Variants in SUSD1 observed in about 807,000 individuals in gnomAD.
SUSD1 encodes sushi domain-containing protein 1.
A neutral mutation model predicts 86.9 loss-of-function variants in SUSD1; 65 were observed. The ratio of observed to expected loss-of-function variants is 0.75; its 90% CI spans 0.61 to 0.92. The LOEUF is 0.92. Among genes scored for constraint, SUSD1 ranks in the 40% least tolerant of loss-of-function variants. The pLI is 0.00. For missense variants in SUSD1, 850 were observed against 929.7 expected, an observed-to-expected ratio of 0.91 and a Z score of 1.11; for synonymous variants, 346 against 350.0, an observed-to-expected ratio of 0.99 and a Z score of 0.13.
chr9:112,117,869 T>C (rs1001557552), intron 6 of SUSD1, among the ~76,000 whole-genome samples: 2 of 152,174 alleles, frequency 1.3e-5, no homozygotes, highest in African/African-American at 4.8e-5. Flanking sequence ...AACTGGAACA[T>C]GAAATTGGCA....
chr9:112,080,345 T>C (rs892698259), intron 10 of SUSD1, among the ~76,000 whole-genome samples, 180 bp from the exon 11 acceptor site: 1 of 152,240 alleles, frequency 6.6e-6, no homozygotes, highest in Non-Finnish European at 1.5e-5. Flanking sequence ...TCAGTCTTGA[T>C]GAAAGATTTC....
intron 12 of SUSD1, among the ~76,000 whole-genome samples, chr9:112,064,046 T>TTTTTTTTTTTTTTTTTTTTTTGGG (rs1491139474): frequency 8.9e-5 from 7 of 78,652 alleles, no homozygotes; most frequent in Admixed American, 1.3e-4. Context: ...TTTCTTTTTT[T>TTTTTTTTTTTTTTTTTTTTTTGGG]GGGGGGGGGG....
At position 112,065,529 on chromosome 9, in the gene SUSD1, A is replaced by T. The variant is rs77513359; in HGVS notation, c.1754-2496T>A. The stretch of plus-strand genomic sequence containing the variant: ...GAAAAAGTGAGACTCTGTCTCAAAA[A>T]GTAAAAATAAAAACACTGAATCCCC... On this transcript the variant is annotated intron_variant, in intron 12 of 16. Coordinates refer to ENST00000374270, the MANE Select transcript of SUSD1 (RefSeq NM_022486.5). Among the ~76,000 whole-genome samples the T allele has an allele frequency of 1.4e-3, 214 of 152,358 alleles. 8 individuals are homozygous for T. The East Asian group carries it at 0.039, about 28-fold the overall frequency.
At position 112,172,792 on chromosome 9, in the gene SUSD1, C is replaced by T. The variant is rs563364865; in HGVS notation, c.103+2341G>A. 2.0e-5 allele frequency among the ~76,000 whole-genome samples: 3 copies of T among 152,274 alleles called. No homozygotes were observed. In the East Asian group the frequency reaches 5.8e-4, roughly 29 times the overall value. On this transcript the variant is annotated intron_variant, in intron 1 of 16. Transcript: ENST00000374270. ...CTGTCATTACTGTGGGCCCAGTCCTCAGAACTTCCAGGCCAGCTATTGCAA... is the reference window on the plus strand; with the variant it reads ...CTGTCATTACTGTGGGCCCAGTCCTTAGAACTTCCAGGCCAGCTATTGCAA...
At chr9:112,147,304 C>G (rs553490803) in intron 3 of SUSD1, among the ~76,000 whole-genome samples, 1 of 151,944 alleles carries the variant, frequency 6.6e-6, no homozygotes, top group African/African-American at 2.4e-5. Flanking sequence ...GTCAGGACTT[C>G]GAGACAAGCC....
At chr9:112,065,202 C>A (rs1828922666) in intron 12 of SUSD1, among the ~76,000 whole-genome samples, 2 of 152,072 alleles carry the variant, frequency 1.3e-5, no homozygotes, top group African/African-American at 4.8e-5. Flanking sequence ...AATTTTCATC[C>A]CCTTTGAGTG....
chr9:112,147,769 A>AAAAAG lies in SUSD1; in HGVS notation c.373+1470_373+1474dup, dbSNP rs758259624. Among the ~76,000 whole-genome samples, 69 of 152,354 alleles carry AAAAAG rather than the reference A, an allele frequency of 4.5e-4. 1 individual carries two copies. Among genetic ancestry groups the AAAAAG allele is most frequent in the South Asian group, 2.1e-3 (10 of 4,832 alleles). ...GGGCAACAGAGCGAGACTCCGTCTC[A>AAAAAG]AAAAGAAAAGAAAAGAAAAAGTACA... On this transcript the variant is annotated intron_variant, in intron 3 of 16. Coordinates refer to ENST00000374270, the MANE Select transcript of SUSD1 (RefSeq NM_022486.5).
chr9:112,046,634 A>T (rs1827967613), intron 15 of SUSD1, among the ~76,000 whole-genome samples: 1 of 152,118 alleles, frequency 6.6e-6, no homozygotes, highest in Non-Finnish European at 1.5e-5. Flanking sequence ...GGGTGTGGAC[A>T]TTTTTTCATG....
intron 2 of SUSD1, among the ~76,000 whole-genome samples, chr9:112,151,766 G>A (rs936495660): frequency 6.6e-5 from 10 of 151,466 alleles, no homozygotes; most frequent in South Asian, 4.2e-4. Context: ...GGCCGGGTGC[G>A]GTGGCTCATG....
intron 10 of SUSD1, among the ~76,000 whole-genome samples, chr9:112,095,899 A>G (rs1439758321): frequency 6.6e-6 from 1 of 152,230 alleles, no homozygotes; most frequent in African/African-American, 2.4e-5. Flanking sequence ...AAGCTTGGGT[A>G]GAAATAGGGC....
intron 5 of SUSD1, among the ~76,000 whole-genome samples, chr9:112,126,715 C>T (rs184609257): frequency 2.4e-4 from 37 of 152,270 alleles, no homozygotes; most frequent in East Asian, 1.7e-3. Context: ...GAAAAACGCA[C>T]GTGCTGGAGT....
intron 3 of SUSD1, among the ~76,000 whole-genome samples, chr9:112,147,918 C>T (rs1303456875): frequency 6.6e-6 from 1 of 152,068 alleles, no homozygotes; most frequent in African/African-American, 2.4e-5. Context: ...AACCATGCAG[C>T]CAGTAATTTG....
chr9:112,089,698 T>G (rs903380821), intron 10 of SUSD1, among the ~76,000 whole-genome samples: 2 of 150,844 alleles, frequency 1.3e-5, no homozygotes, highest in Non-Finnish European at 3.0e-5. Context: ...TGTAGTCCCA[T>G]CTACTCGGGA....
At chr9:112,108,632 G>T (rs572621665) in intron 8 of SUSD1, among the ~76,000 whole-genome samples, 2 of 151,958 alleles carry the variant, frequency 1.3e-5, no homozygotes, top group Admixed American at 6.5e-5. Flanking sequence ...ACAAAAATTT[G>T]CCAGGCATAG....
chr9:112,141,697 A>T (rs75509034), intron 5 of SUSD1, among the ~76,000 whole-genome samples: 27,632 of 145,880 alleles, frequency 0.19, 2,720 homozygotes, highest in Non-Finnish European at 0.21. Flanking sequence ...TATATATATA[A>T]AAAATATATA....
chr9:112,074,665 T>G (rs1037674552), intron 12 of SUSD1, among the ~76,000 whole-genome samples: 1 of 152,128 alleles, frequency 6.6e-6, no homozygotes, highest in Non-Finnish European at 1.5e-5. Context: ...GCCTAACACA[T>G]CTGCCAAAAT....
rs527278845 is a variant in SUSD1, at chr9:112,145,656, T to A, written c.374-2033A>T. ...TTGCCTCAGAATCCTTTTGAACTTT[T>A]ATATTCTTTATTCTTTTTCCTTTTG... On this transcript the variant is annotated intron_variant, in intron 3 of 16. Coordinates refer to ENST00000374270, the MANE Select transcript of SUSD1 (RefSeq NM_022486.5). Among the ~76,000 whole-genome samples, 23 of 152,342 alleles carry A rather than the reference T, an allele frequency of 1.5e-4. 1 individual carries two copies. In the South Asian group the frequency reaches 4.3e-3, roughly 29 times the overall value.
intron 15 of SUSD1, among the ~76,000 whole-genome samples, chr9:112,050,457 C>T (rs892639039): frequency 6.6e-6 from 1 of 152,180 alleles, no homozygotes; most frequent in Non-Finnish European, 1.5e-5. Flanking sequence ...CCCCAGGCCC[C>T]TCCCAGATAT....
At chr9:112,100,344 G>T (rs562570761) in intron 9 of SUSD1, among the ~76,000 whole-genome samples, 1 of 151,774 alleles carries the variant, frequency 6.6e-6, no homozygotes, top group Non-Finnish European at 1.5e-5. Context: ...CCGCCACCAC[G>T]CCTGGCTAAT....
Sources: gnomAD v4.1 joint callset for allele counts (sites outside exome capture counted in the v4.1 genomes callset) on GRCh38, gnomAD v4.1.1 for gene constraint, MANE v1.5 for transcripts, NCBI Gene and HGNC (gene_info 2026-07-23, HGNC 2026-07-21) for gene names.